The following PDE4B variants were observed in gnomAD, a reference collection of about 807,000 sequenced individuals.
PDE4B encodes the protein 3',5'-cyclic-AMP phosphodiesterase 4B.
Under a neutral mutation model 82.2 loss-of-function variants are expected in PDE4B, and 20 were observed. The ratio of observed to expected loss-of-function variants is 0.24; its 90% CI spans 0.17 to 0.35. PDE4B has a LOEUF of 0.35. Among genes scored for constraint, PDE4B ranks in the 10% least tolerant of loss-of-function variants. The pLI is 1.00. For missense variants in PDE4B, 655 were observed against 907.2 expected (o/e 0.72, Z 3.57); for synonymous variants, 320 against 318.9 (o/e 1.00, Z -0.04).
chr1:66,189,479 G>A (rs1352154231), intron 3 of PDE4B, among the ~76,000 whole-genome samples: 4 of 152,174 alleles, frequency 2.6e-5, no homozygotes, highest in East Asian at 1.9e-4. Flanking sequence ...CCAATCAGAC[G>A]TAGATTTGGC....
rs569591593 is a variant in PDE4B, at chr1:66,242,340, T to G, written c.282-5120T>G. ...TAAAAGAGACTCAGTGAGTAATTTC[T>G]AAGAAAGAAAAGCAAAATTGAGACA... On this transcript the variant is annotated intron_variant, in intron 3 of 16. Transcript: ENST00000341517. Among the ~76,000 whole-genome samples, 15 of 152,318 alleles carry G rather than the reference T, an allele frequency of 9.8e-5. No homozygotes were observed. The South Asian group carries it at 3.1e-3, about 32-fold the overall frequency.
intron 4 of PDE4B, among the ~76,000 whole-genome samples, chr1:66,249,480 G>A (rs1653583633): frequency 6.6e-6 from 1 of 152,106 alleles, no homozygotes; most frequent in African/African-American, 2.4e-5. Flanking sequence ...ATTAAATCTT[G>A]TGTTTCATTA....
In PDE4B at chr1:66,362,277, G is replaced by A. The variant is rs193008433; in HGVS notation, c.1020+484G>A. Among the ~76,000 whole-genome samples, 106 of 152,294 alleles carry A rather than the reference G, an allele frequency of 7.0e-4. 2 individuals are homozygous for A. Among genetic ancestry groups the A allele is most frequent in the Non-Finnish European group, 4.6e-4 (31 of 68,028 alleles). Reference sequence around the variant, plus strand: ...ATGGGAAAATCTGCACTAATCTGTAGTGCTGGAAAAGAAATAAAGAGAAAC... The same window carrying A: ...ATGGGAAAATCTGCACTAATCTGTAATGCTGGAAAAGAAATAAAGAGAAAC... On this transcript the variant is annotated intron_variant, in intron 10 of 16. Coordinates refer to ENST00000341517, the MANE Select transcript of PDE4B (RefSeq NM_002600.4).
intron 8 of PDE4B, among the ~76,000 whole-genome samples, chr1:66,338,829 T>C (rs1163651762): frequency 6.6e-6 from 1 of 151,764 alleles, no homozygotes; most frequent in Admixed American, 6.6e-5. Flanking sequence ...CCATCCCGGC[T>C]AAAACGGTGA....
intron 3 of PDE4B, among the ~76,000 whole-genome samples, chr1:66,168,678 AT>A (rs1222214737): frequency 6.6e-6 from 1 of 152,222 alleles, no homozygotes; most frequent in African/African-American, 2.4e-5. Flanking sequence ...CAACTGGAAG[AT>A]GTTCAGCTGG....
At chr1:66,005,294 C>A (rs1468523299) in intron 3 of PDE4B, among the ~76,000 whole-genome samples, 1 of 5,410 alleles carries the variant, frequency 1.8e-4, no homozygotes, top group African/African-American at 1.9e-4. Flanking sequence ...CTTTATATCA[C>A]TTTTAGCTTC....
At chr1:66,194,160 T>C (rs933726967) in intron 3 of PDE4B, among the ~76,000 whole-genome samples, 2 of 152,070 alleles carry the variant, frequency 1.3e-5, no homozygotes, top group Non-Finnish European at 2.9e-5. Flanking sequence ...CAAGATGTTA[T>C]TCAGCTCTCA....
At chr1:66,199,452 TTTTGTTTG>T in intron 3 of PDE4B, among the ~76,000 whole-genome samples, 1 of 151,954 alleles carries the variant, frequency 6.6e-6, no homozygotes, top group South Asian at 2.1e-4. Context: ...ACTTTTTTTG[TTTTGTTTG>T]TTTGTTTGTT....
At chr1:66,207,749 C>T (rs183946333) in intron 3 of PDE4B, among the ~76,000 whole-genome samples, 1 of 152,296 alleles carries the variant, frequency 6.6e-6, no homozygotes, top group African/African-American at 2.4e-5. Context: ...TATTGCTGTT[C>T]TCTAAGCCTC....
intron 3 of PDE4B, among the ~76,000 whole-genome samples, chr1:65,958,068 T>A (rs1023731141): frequency 6.6e-6 from 1 of 152,132 alleles, no homozygotes; most frequent in East Asian, 1.9e-4. Context: ...ATGCTCGTCT[T>A]GTTTCATATT....
At chr1:66,164,188 TC>T (rs1195237338) in intron 3 of PDE4B, among the ~76,000 whole-genome samples, 2 of 152,040 alleles carry the variant, frequency 1.3e-5, no homozygotes, top group African/African-American at 4.8e-5. Flanking sequence ...GTATGTGTGT[TC>T]TTTTTTCCCC....
At position 65,798,504 on chromosome 1, in the gene PDE4B, C is replaced by T. The variant is rs1376770861; in HGVS notation, c.-71+5256C>T. On this transcript the variant is annotated intron_variant, in intron 1 of 16. Transcript: ENST00000341517. ...CGATCTCCTGACCTCGTGATCCACC[C>T]GCCTCGGCCTCCCAAAGTGCTGGGA... Among the ~76,000 whole-genome samples the T allele has an allele frequency of 6.4e-5, 6 of 93,432 alleles. 2 individuals are homozygous for T. The highest frequency in any genetic ancestry group is 6.8e-4 in the South Asian group (2 of 2,948). 61.3% of individuals were successfully genotyped at this position (93,432 alleles called of 152,430 possible).
intron 3 of PDE4B, among the ~76,000 whole-genome samples, chr1:66,030,796 A>G (rs1653731707): frequency 6.6e-6 from 1 of 152,232 alleles, no homozygotes; most frequent in Non-Finnish European, 1.5e-5. Flanking sequence ...GAATGAAATC[A>G]TGTCCTCTGC....
chr1:66,273,041 C>T (rs1655625404), intron 7 of PDE4B, among the ~76,000 whole-genome samples: 1 of 152,058 alleles, frequency 6.6e-6, no homozygotes, highest in Admixed American at 6.6e-5. Flanking sequence ...CCGCCCACCT[C>T]AGCCTCCCAA....
Position 66,372,714 on chromosome 1 carries a change from T to A in PDE4B, c.*36T>A. Reference sequence around the variant, plus strand: ...CCTGTGGAGATGAACATTCTATCCTTGATGAGCATGCCAGCTATGTGGTAG... The same window carrying A: ...CCTGTGGAGATGAACATTCTATCCTAGATGAGCATGCCAGCTATGTGGTAG... On this transcript the variant is annotated 3_prime_UTR_variant, in exon 17 of 17. Coordinates refer to ENST00000341517, the MANE Select transcript of PDE4B (RefSeq NM_002600.4). 6.3e-7 allele frequency: 1 copy of A among 1,578,142 alleles called. No homozygotes were observed. The highest frequency in any genetic ancestry group is 8.6e-7 in the Non-Finnish European group (1 of 1,160,576).
intron 3 of PDE4B, among the ~76,000 whole-genome samples, chr1:66,015,796 A>G (rs77289330): frequency 2.0e-5 from 3 of 152,124 alleles, no homozygotes; most frequent in Non-Finnish European, 4.4e-5. Context: ...CTCCTGGTAT[A>G]AGGGGAGATT....
intron 1 of PDE4B, among the ~76,000 whole-genome samples, chr1:65,825,103 G>T (rs1052162131): frequency 2.6e-5 from 4 of 152,024 alleles, no homozygotes; most frequent in Admixed American, 2.6e-4. Context: ...ATTAGAATTT[G>T]AAAAGCCAGA....
At chr1:66,330,077 C>T (rs1372914665) in intron 7 of PDE4B, among the ~76,000 whole-genome samples, 1 of 152,208 alleles carries the variant, frequency 6.6e-6, no homozygotes, top group African/African-American at 2.4e-5. Flanking sequence ...AACCTCTGTG[C>T]CCATGGCTTA....
intron 3 of PDE4B, among the ~76,000 whole-genome samples, chr1:65,978,234 G>T (rs1260394547): frequency 6.6e-6 from 1 of 151,034 alleles, no homozygotes. Context: ...CACCATGTTT[G>T]CCAGGCTGGT....
Sources: allele counts gnomAD v4.1 joint callset (sites outside exome capture counted in the v4.1 genomes callset), GRCh38; gene constraint gnomAD v4.1.1; transcripts MANE v1.5; gene names NCBI Gene and HGNC (gene_info 2026-07-23, HGNC 2026-07-21).